Variants in TAF4B observed in about 807,000 individuals in gnomAD.
TAF4B encodes the protein transcription initiation factor TFIID subunit 4B.
A neutral mutation model predicts 86.4 loss-of-function variants in TAF4B; 38 were observed. The observed-to-expected ratio is 0.44, with a 90% CI of 0.34 to 0.58. The LOEUF (loss-of-function observed/expected upper bound fraction) is 0.58, where lower values mean the gene tolerates loss of function less well. Ranked by LOEUF, TAF4B falls within the 20% of genes least tolerant of loss-of-function variation. The pLI, the probability that TAF4B is intolerant of heterozygous loss-of-function variation, is 0.02. For missense variants in TAF4B, 988 were observed against 1,027.6 expected (o/e 0.96, Z 0.53); for synonymous variants, 388 against 391.2 (o/e 0.99, Z 0.10).
intron 14 of TAF4B, among the ~76,000 whole-genome samples, chr18:26,367,540 T>TA (rs2057379975): frequency 6.6e-6 from 1 of 152,198 alleles, no homozygotes; most frequent in Non-Finnish European, 1.5e-5. Context: ...CATGCATCCT[T>TA]ACATTGGTAA....
intron 7 of TAF4B, 32 bp from the exon 8 acceptor site, chr18:26,292,214 A>G (rs1469805022): frequency 1.4e-5 from 23 of 1,602,284 alleles, no homozygotes; most frequent in Non-Finnish European, 2.0e-5. Flanking sequence ...CCTTAAGTTG[A>G]ACAACTATAT....
rs189915897 is a variant in TAF4B at position 26,279,382 on chromosome 18, A to G, written c.883-2589A>G. On this transcript the variant is annotated intron_variant, in intron 5 of 14. Transcript: ENST00000269142. ...GTTGAAAATTCATGCTTATGGACTG[A>G]AAGAATTGATATCATTAAAATAGCC... is the stretch of plus-strand genomic sequence containing the variant. Among the ~76,000 whole-genome samples the G allele has an allele frequency of 5.9e-5, 9 of 152,220 alleles. No individual in the cohort carries two copies. In the East Asian group the frequency reaches 1.5e-3, roughly 26 times the overall value.
At chr18:26,243,701 C>A (rs896577986) in intron 1 of TAF4B, among the ~76,000 whole-genome samples, 1 of 152,184 alleles carries the variant, frequency 6.6e-6, no homozygotes, top group African/African-American at 2.4e-5. Flanking sequence ...GCTCTGGTTT[C>A]TTTCCATCTT....
intron 13 of TAF4B, among the ~76,000 whole-genome samples, chr18:26,347,979 C>T (rs552170554): frequency 2.0e-5 from 3 of 152,252 alleles, no homozygotes; most frequent in Admixed American, 2.0e-4. Context: ...TTGGAGACTT[C>T]AACACTCCAT....
chr18:26,286,303 C>G lies in TAF4B; in HGVS notation c.1394C>G (p.Ser465Cys). 1 of 1,614,244 alleles carries G rather than the reference C, an allele frequency of 6.2e-7. No individual in the cohort carries two copies. Among genetic ancestry groups the G allele is most frequent in the Non-Finnish European group, 8.5e-7 (1 of 1,180,046 alleles). Residue 465 changes from serine to cysteine, a missense_variant, in exon 7 of 15, where the codon TCC becomes TGC. This residue lies in a region of TAF4B where 747 missense variants were observed against 737.9 expected (regional missense o/e 1.01). Transcript: ENST00000269142. ...GTCTCTGGAACAGCAGTAACACTGT[C>G]CCTTCCAGCAGTAACTTTTGGAGAA... ...PVVSGTAVTL[S>C]LPAVTFGETS...
At chr18:26,389,489 T>G (rs1423731398) in intron 14 of TAF4B, among the ~76,000 whole-genome samples, 2 of 152,202 alleles carry the variant, frequency 1.3e-5, no homozygotes, top group Non-Finnish European at 1.5e-5. Context: ...ACAATCAAAG[T>G]GATAAACAAG....
intron 1 of TAF4B, among the ~76,000 whole-genome samples, chr18:26,254,345 C>CT (rs541033066): frequency 6.0e-4 from 91 of 151,618 alleles, no homozygotes; most frequent in African/African-American, 2.1e-3. Context: ...GTTGATTTTT[C>CT]TTTTTTTTCT....
intron 14 of TAF4B, among the ~76,000 whole-genome samples, chr18:26,373,030 A>G (rs144167194): frequency 2.6e-5 from 4 of 152,168 alleles, no homozygotes; most frequent in African/African-American, 7.2e-5. Flanking sequence ...AAGGTGAGCA[A>G]TGAGTCCCAC....
intron 3 of TAF4B, among the ~76,000 whole-genome samples, chr18:26,269,890 A>G (rs1408630608): frequency 6.6e-6 from 1 of 152,152 alleles, no homozygotes; most frequent in Non-Finnish European, 1.5e-5. Context: ...CTCAAAACCT[A>G]CTGTATTTTT....
At position 26,275,010 on chromosome 18, in the gene TAF4B, C is replaced by T; in HGVS notation, c.839C>T (p.Pro280Leu). ...CTAGCATGTAGTGGATCACAGTCCC[C>T]AGAAATGGGGCAAAATGTGAAGAAG... ...IKLACSGSQS[P>L]EMGQNVKKLV... The change falls in exon 5 of 15, where the codon CCA (proline) becomes CTA (leucine). Residue 280 changes from proline to leucine, a missense_variant. By Grantham distance (98) the Pro-to-Leu change is moderately conservative (BLOSUM62 -3). Transcript: ENST00000269142. 1.2e-6 allele frequency: 2 copies of T among 1,611,874 alleles called. No individual in the cohort carries two copies. The highest frequency in any genetic ancestry group is 1.1e-5 in the South Asian group (1 of 90,718).
chr18:26,375,732 A>T (rs917502664), intron 14 of TAF4B, among the ~76,000 whole-genome samples: 1 of 152,096 alleles, frequency 6.6e-6, no homozygotes, highest in African/African-American at 2.4e-5. Context: ...CAATTTATCA[A>T]TTTTTTCTTT....
intron 14 of TAF4B, among the ~76,000 whole-genome samples, chr18:26,381,973 C>T (rs571011804): frequency 4.5e-3 from 98 of 21,938 alleles, no homozygotes; most frequent in African/African-American, 6.9e-3. Flanking sequence ...ATTCATATTT[C>T]ATTCGAGTTA....
At chr18:26,381,798 C>G (rs1392202353) in intron 14 of TAF4B, among the ~76,000 whole-genome samples, 1 of 151,488 alleles carries the variant, frequency 6.6e-6, no homozygotes, top group Non-Finnish European at 1.5e-5. Flanking sequence ...TTATACACAC[C>G]CTTCCATCCT....
chr18:26,267,767 G>A (rs1310762736), intron 3 of TAF4B, 144 bp downstream of exon 3: 1 of 603,168 alleles, frequency 1.7e-6, no homozygotes, highest in East Asian at 2.8e-5. Flanking sequence ...ATCAAACTGG[G>A]AACTGTTGGA....
Position 26,353,067 on chromosome 18 carries a change from A to G in TAF4B, c.2317-4623A>G, listed in dbSNP as rs1436870025. On this transcript the variant is annotated intron_variant, in intron 13 of 14. Transcript: ENST00000269142. ...GAAGAGATAGAAACACTTCCAGTTC[A>G]TTTTATGAGGCCATTGTTGCCCTAA... 2.0e-5 allele frequency among the ~76,000 whole-genome samples: 3 copies of G among 152,182 alleles called. 1 individual carries two copies. The East Asian group carries it at 5.8e-4, about 29-fold the overall frequency.
intron 1 of TAF4B, among the ~76,000 whole-genome samples, chr18:26,239,970 A>G (rs11874625): frequency 0.11 from 16,903 of 152,198 alleles, 966 homozygotes; most frequent in African/African-American, 0.14. Flanking sequence ...TACCAGTACC[A>G]TGCTGTTTTG....
In TAF4B at chr18:26,313,946, A is replaced by G. The variant is rs1422165441; in HGVS notation, c.1833-1283A>G. On this transcript the variant is annotated intron_variant, in intron 9 of 14. Transcript: ENST00000269142. ...GCCTCCCAGAGTACTGGAATTACAGATGGTAGCCACTGCTCCTGGCCTACT... is the reference window on the plus strand; with the variant it reads ...GCCTCCCAGAGTACTGGAATTACAGGTGGTAGCCACTGCTCCTGGCCTACT... Among the ~76,000 whole-genome samples, 6 of 152,098 alleles carry G rather than the reference A, an allele frequency of 3.9e-5. No individual in the cohort carries two copies. In the South Asian group the frequency reaches 1.2e-3, roughly 31 times the overall value.
At chr18:26,295,572 T>G (rs2056653049) in intron 9 of TAF4B, among the ~76,000 whole-genome samples, 1 of 152,212 alleles carries the variant, frequency 6.6e-6, no homozygotes, top group Admixed American at 6.5e-5. Context: ...TAATGCTCGC[T>G]TGCGCACCTC....
At chr18:26,336,689 A>G (rs2057094696) in intron 13 of TAF4B, among the ~76,000 whole-genome samples, 1 of 152,210 alleles carries the variant, frequency 6.6e-6, no homozygotes, top group Non-Finnish European at 1.5e-5. Context: ...TGGCATGAGG[A>G]TAGATTATTT....
Sources: allele counts gnomAD v4.1 joint callset (sites outside exome capture counted in the v4.1 genomes callset), GRCh38; gene constraint gnomAD v4.1.1; regional missense constraint gnomAD v4.1.1; transcripts MANE v1.5; gene names NCBI Gene and HGNC (gene_info 2026-07-23, HGNC 2026-07-21).